CRPPA: variants seen among roughly 807,000 people sequenced by gnomAD.
The protein encoded by CRPPA is D-ribitol-5-phosphate cytidylyltransferase.
Under a neutral mutation model 52.0 loss-of-function variants are expected in CRPPA, and 43 were observed. The observed-to-expected ratio is 0.83, with a 90% CI of 0.65 to 1.07. The LOEUF is 1.07. Among genes scored for constraint, CRPPA ranks in the 50% least tolerant of loss-of-function variants. The pLI, the probability that CRPPA is intolerant of heterozygous loss-of-function variation, is 0.00. For synonymous variants in CRPPA, 250 were observed against 203.5 expected (o/e 1.23, Z -1.94); for missense variants, 629 against 551.7 (o/e 1.14, Z -1.40).
chr7:16,267,100 A>T (rs1259457527), intron 6 of CRPPA, among the ~76,000 whole-genome samples: 3 of 152,224 alleles, frequency 2.0e-5, no homozygotes, highest in Non-Finnish European at 2.9e-5. Flanking sequence ...ATCTGTCTTA[A>T]TTAAAAATAA....
intron 9 of CRPPA, among the ~76,000 whole-genome samples, chr7:16,105,661 C>A (rs902702335): frequency 6.6e-6 from 1 of 152,078 alleles, no homozygotes; most frequent in African/African-American, 2.4e-5. Context: ...TCATAACCCA[C>A]CCACAAAGCT....
intron 8 of CRPPA, among the ~76,000 whole-genome samples, chr7:16,252,582 T>C (rs1358378663): frequency 1.3e-5 from 2 of 152,188 alleles, no homozygotes; most frequent in Non-Finnish European, 2.9e-5. Flanking sequence ...TTGTTGTATC[T>C]CTGCCAGGCT....
intron 9 of CRPPA, among the ~76,000 whole-genome samples, chr7:16,131,952 C>G (rs1246948641): frequency 1.3e-5 from 2 of 152,090 alleles, no homozygotes; most frequent in South Asian, 4.1e-4. Context: ...GGTATAGGAC[C>G]GAAGCCAGTA....
chr7:16,127,483 AT>A (rs1782602565), intron 9 of CRPPA, among the ~76,000 whole-genome samples: 1 of 152,160 alleles, frequency 6.6e-6, no homozygotes, highest in Non-Finnish European at 1.5e-5. Flanking sequence ...AAGAAAAAAA[AT>A]CAACTCACAA....
intron 9 of CRPPA, among the ~76,000 whole-genome samples, chr7:16,126,090 C>A (rs886736969): frequency 6.6e-6 from 1 of 152,026 alleles, no homozygotes; most frequent in Non-Finnish European, 1.5e-5. Flanking sequence ...AAAGCCAATA[C>A]TGGGTTTATT....
chr7:16,223,119 C>T (rs1335405865), intron 8 of CRPPA, among the ~76,000 whole-genome samples: 1 of 151,904 alleles, frequency 6.6e-6, no homozygotes, highest in Non-Finnish European at 1.5e-5. Flanking sequence ...AGGCGAAATG[C>T]TGTCTCTACA....
chr7:16,161,601 G>T (rs534050410), intron 9 of CRPPA, among the ~76,000 whole-genome samples: 4 of 152,224 alleles, frequency 2.6e-5, no homozygotes, highest in African/African-American at 9.6e-5. Context: ...TTTTATTGAG[G>T]ATTTTTGCAT....
In CRPPA at chr7:16,163,082, T is replaced by C. The variant is rs573653590; in HGVS notation, c.1251+52984A>G. ...TCCACCTCCCGGGTTCACACCATTC[T>C]CCTGCCTCAGCTTCCCAAGTAGCTG... On this transcript the variant is annotated intron_variant, in intron 9 of 9. Transcript: ENST00000407010. 3.0e-3 allele frequency among the ~76,000 whole-genome samples: 447 copies of C among 149,496 alleles called. 2 individuals carry two copies. The highest frequency in any genetic ancestry group is 0.011 in the African/African-American group (436 of 40,906).
chr7:16,313,781 T>G (rs1310772433), intron 3 of CRPPA, among the ~76,000 whole-genome samples: 1 of 152,030 alleles, frequency 6.6e-6, no homozygotes, highest in African/African-American at 2.4e-5. Context: ...TTTAAGAGTA[T>G]GTTGTTTAGT....
At chr7:16,282,317 A>C (rs1342023237) in intron 5 of CRPPA, among the ~76,000 whole-genome samples, 1 of 152,044 alleles carries the variant, frequency 6.6e-6, no homozygotes, top group African/African-American at 2.4e-5. Context: ...GAAACATCTA[A>C]TTTCTATTGT....
chr7:16,255,290 G>C (rs1783606641), intron 8 of CRPPA, among the ~76,000 whole-genome samples: 1 of 152,178 alleles, frequency 6.6e-6, no homozygotes. Context: ...GGAAATAAAA[G>C]AGGACACAAA....
chr7:16,250,933 A>G lies in CRPPA; in HGVS notation c.1119+7457T>C, dbSNP rs376702501. 2.4e-4 allele frequency among the ~76,000 whole-genome samples: 36 copies of G among 152,288 alleles called. No homozygotes were observed. In the East Asian group the frequency reaches 6.2e-3, roughly 26 times the overall value. On this transcript the variant is annotated intron_variant, in intron 8 of 9. Coordinates refer to ENST00000407010, the MANE Select transcript of CRPPA (RefSeq NM_001101426.4). Reference sequence around the variant, plus strand: ...CAATTTAAAAGACACAGACTGGCAAATTGGATAAACAGTCAAGAACCATCA... The same window carrying G: ...CAATTTAAAAGACACAGACTGGCAAGTTGGATAAACAGTCAAGAACCATCA...
At chr7:16,342,790 T>TAGATAGATAG (rs1554335244) in intron 3 of CRPPA, among the ~76,000 whole-genome samples, 370 of 33,508 alleles carry the variant, frequency 0.011, 71 homozygotes, top group African/African-American at 0.04. Flanking sequence ...AAAATATATA[T>TAGATAGATAG]ATATATATCT....
At chr7:16,351,364 A>T (rs2128307828) in intron 3 of CRPPA, among the ~76,000 whole-genome samples, 1 of 152,264 alleles carries the variant, frequency 6.6e-6, no homozygotes, top group South Asian at 2.1e-4. Flanking sequence ...AGACTTCATG[A>T]CTAAAACACC....
At chr7:16,296,001 T>C (rs1388570772) in intron 5 of CRPPA, among the ~76,000 whole-genome samples, 2 of 152,120 alleles carry the variant, frequency 1.3e-5, no homozygotes, top group East Asian at 3.9e-4. Context: ...AATCCAACCC[T>C]CTGCCTAAGA....
At chr7:16,258,558 G>T in intron 7 of CRPPA, 76 bp from the exon 8 acceptor site, 1 of 783,218 alleles carries the variant, frequency 1.3e-6, no homozygotes, top group Non-Finnish European at 2.0e-6. Flanking sequence ...GGAATAAATG[G>T]AGAGATTCTG....
In CRPPA at chr7:16,235,961, C is replaced by G. The variant is rs532982890; in HGVS notation, c.1120-19764G>C. 7.2e-5 allele frequency: 11 copies of G among 152,124 alleles called. No individual in the cohort carries two copies. In the South Asian group the frequency reaches 2.3e-3, roughly 32 times the overall value. 9.4% of individuals were successfully genotyped at this position (152,124 alleles called of 1,614,324 possible). Reference sequence around the variant, plus strand: ...ATTTTAAAAGAAAAGAACGGTGACTCATCATTTCAAGCTTTTCAGTAAGTG... The same window carrying G: ...ATTTTAAAAGAAAAGAACGGTGACTGATCATTTCAAGCTTTTCAGTAAGTG... On this transcript the variant is annotated intron_variant, in intron 8 of 9. Transcript: ENST00000407010.
chr7:16,182,147 G>A (rs998922950), intron 9 of CRPPA, among the ~76,000 whole-genome samples: 1 of 151,932 alleles, frequency 6.6e-6, no homozygotes, highest in African/African-American at 2.4e-5. Flanking sequence ...GAAATACGTT[G>A]TTTAACATTG....
intron 2 of CRPPA, among the ~76,000 whole-genome samples, chr7:16,387,068 T>TC (rs1787298768): frequency 1.5e-5 from 1 of 68,754 alleles, no homozygotes; most frequent in African/African-American, 7.7e-5. Flanking sequence ...TATATATATA[T>TC]ATATATATAT....
Sources: gnomAD v4.1 joint callset for allele counts (sites outside exome capture counted in the v4.1 genomes callset) on GRCh38, gnomAD v4.1.1 for gene constraint, MANE v1.5 for transcripts, NCBI Gene and HGNC (gene_info 2026-07-23, HGNC 2026-07-21) for gene names.